Variants in KCNK3 observed in about 807,000 individuals in gnomAD.
KCNK3 encodes the protein potassium two pore domain channel subfamily K member 3.
KCNK3 carries 9 observed loss-of-function variants against 27.3 expected under a neutral mutation model. That is an observed-to-expected ratio of 0.33 (90% confidence interval 0.20 to 0.57). The LOEUF (loss-of-function observed/expected upper bound fraction) is 0.57, where lower values mean the gene tolerates loss of function less well. KCNK3 is among the 20% of genes least tolerant of loss of function. KCNK3 has a pLI of 0.87. For missense variants in KCNK3, 391 were observed against 577.7 expected, an observed-to-expected ratio of 0.68 and a Z score of 3.31; for synonymous variants, 278 against 273.8, an observed-to-expected ratio of 1.02 and a Z score of -0.15.
In KCNK3 at chr2:26,728,469, G is replaced by T; in HGVS notation, c.1086G>T (p.Leu362=). Residue 362 remains leucine, a synonymous_variant, in exon 2 of 2, where the codon CTG becomes CTT. Transcript: ENST00000302909. ...RYSDTPSRRC[L]CSGAPRSAIS... ...GCGACACGCCCTCGCGACGCTGCCT[G>T]TGCAGCGGGGCGCCACGCTCCGCCA... The T allele has an allele frequency of 6.4e-7, 1 of 1,560,492 alleles. No homozygotes were observed.
Position 26,692,756 on chromosome 2 carries a change from G to A in KCNK3, c.-120G>A. 2.1e-6 allele frequency: 1 copy of A among 466,156 alleles called. No homozygotes were observed. The highest frequency in any genetic ancestry group is 8.4e-5 in the South Asian group (1 of 11,916). The allele number at this position is 466,156 out of a possible 1,614,324, so 28.9% of individuals were successfully genotyped here. ...GGCCCCGGGCGCTGAGCGGGTGCCC[G>A]GCGCGGAGAGCGGCGAGCGCAGCCA... is the stretch of plus-strand genomic sequence containing the variant. On this transcript the variant is annotated 5_prime_UTR_variant, in exon 1 of 2. Transcript: ENST00000302909. This position sits in a 1 kb window ranked among gnomAD's most constrained non-coding sequence, Gnocchi z 5.6.
intron 1 of KCNK3, among the ~76,000 whole-genome samples, chr2:26,695,192 C>A (rs1670219913): frequency 6.6e-6 from 1 of 152,190 alleles, no homozygotes; most frequent in Non-Finnish European, 1.5e-5. Context: ...GCCTGTCTGG[C>A]ATGCCTTTTT....
At chr2:26,699,062 C>T (rs370033564) in intron 1 of KCNK3, among the ~76,000 whole-genome samples, 1 of 151,824 alleles carries the variant, frequency 6.6e-6, no homozygotes, top group Non-Finnish European at 1.5e-5. Context: ...CCTGTGATCC[C>T]GGCTATGCAG....
At position 26,728,433 on chromosome 2, in the gene KCNK3, C is replaced by T; in HGVS notation, c.1050C>T (p.Gly350=). The change falls in exon 2 of 2, where the codon GGC becomes GGT. Residue 350 remains glycine (G), a synonymous_variant. Transcript: ENST00000302909. ...AGAGCCACTCGTCGCCGGGAGGGGG[C>T]GGCCGCTACAGCGACACGCCCTCGC... ...VEQSHSSPGG[G]GRYSDTPSRR... 1.3e-6 allele frequency: 2 copies of T among 1,590,106 alleles called. No homozygotes were observed.
rs930654869 is a variant in KCNK3 at position 26,729,938 on chromosome 2, C to T, written c.*1370C>T. ...GCTTGGCCTGCTCTTAAAAGCAAAGCTCCTGCAGTGTACATCCTGGCATTG... is the reference window on the plus strand; with the variant it reads ...GCTTGGCCTGCTCTTAAAAGCAAAGTTCCTGCAGTGTACATCCTGGCATTG... On this transcript the variant is annotated 3_prime_UTR_variant, in exon 2 of 2. Coordinates refer to ENST00000302909, the MANE Select transcript of KCNK3 (RefSeq NM_002246.3). 2.6e-5 allele frequency: 4 copies of T among 152,168 alleles called. No individual in the cohort carries two copies. The highest frequency in any genetic ancestry group is 1.3e-4 in the Admixed American group (2 of 15,266). 9.4% of individuals were successfully genotyped at this position (152,168 alleles called of 1,614,324 possible). A position where few individuals can be genotyped will look rare whatever the true frequency, so the allele number is the denominator to read the frequency against.
rs930974747 is a variant in KCNK3, at chr2:26,728,669, A to G, written c.*101A>G. On this transcript the variant is annotated 3_prime_UTR_variant, in exon 2 of 2. Transcript: ENST00000302909. ...TGCCTTCTGCCCAGTGGGACCCCGC[A>G]CAACATCCCTCACCACTCTCCCCCA... 15 of 1,000,788 alleles carry G rather than the reference A, an allele frequency of 1.5e-5. No individual in the cohort carries two copies. Among genetic ancestry groups the G allele is most frequent in the Non-Finnish European group, 1.9e-5 (14 of 737,114 alleles). 62.0% of individuals were successfully genotyped at this position (1,000,788 alleles called of 1,614,324 possible).
chr2:26,726,104 C>CAG (rs1196440174), intron 1 of KCNK3, among the ~76,000 whole-genome samples: 137 of 80,518 alleles, frequency 1.7e-3, no homozygotes, highest in Admixed American at 2.1e-3. Flanking sequence ...CACACACACA[C>CAG]ACAGAGAGAG....
chr2:26,699,046 C>A (rs1266307597), intron 1 of KCNK3, among the ~76,000 whole-genome samples: 2 of 152,036 alleles, frequency 1.3e-5, no homozygotes, highest in African/African-American at 4.8e-5. Flanking sequence ...GGCATGGTAG[C>A]ACACGCCTGT....
rs1663459454 is a variant in KCNK3 at position 26,728,139 on chromosome 2, G to A, written c.756G>A (p.Glu252=). 1.3e-6 allele frequency: 2 copies of A among 1,597,886 alleles called. No individual in the cohort carries two copies. Among genetic ancestry groups the A allele is most frequent in the Non-Finnish European group, 8.5e-7 (1 of 1,172,460 alleles). The change falls in exon 2 of 2, where the codon GAG becomes GAA. Residue 252 remains glutamate (E), a synonymous_variant. Transcript: ENST00000302909. Reference sequence around the variant, plus strand: ...TGCGCTTCATGACCATGAACGCCGAGGACGAGAAGCGCGACGCCGAGCACC... The same window carrying A: ...TGCGCTTCATGACCATGAACGCCGAAGACGAGAAGCGCGACGCCGAGCACC... ...VVLRFMTMNA[E]DEKRDAEHRA... is the part of the protein sequence containing the mutation.
chr2:26,727,591 G>C, intron 1 of KCNK3, 76 bp from the exon 2 acceptor site: 1 of 1,510,138 alleles, frequency 6.6e-7, no homozygotes, highest in Non-Finnish European at 8.8e-7. Context: ...GCGGGGCAAC[G>C]GGGAGGGAGA....
intron 1 of KCNK3, among the ~76,000 whole-genome samples, chr2:26,724,301 G>A (rs551370677): frequency 6.6e-6 from 1 of 152,240 alleles, no homozygotes; most frequent in Non-Finnish European, 1.5e-5. Context: ...CACCTCTGCT[G>A]CAACTGGCTC....
At chr2:26,716,770 G>A (rs188347251) in intron 1 of KCNK3, among the ~76,000 whole-genome samples, 2 of 152,326 alleles carry the variant, frequency 1.3e-5, no homozygotes, top group Non-Finnish European at 2.9e-5. Flanking sequence ...TTTCAGGGAA[G>A]AAGAGACATA....
rs1174338957 is a variant in KCNK3 at position 26,729,430 on chromosome 2, C to T, written c.*862C>T. ...GAAAACTCTATGCTGGCCACTGATTCCTTTGAGTCTCACAAAACCCTACTT... is the reference window on the plus strand; with the variant it reads ...GAAAACTCTATGCTGGCCACTGATTTCTTTGAGTCTCACAAAACCCTACTT... On this transcript the variant is annotated 3_prime_UTR_variant, in exon 2 of 2. Coordinates refer to ENST00000302909, the MANE Select transcript of KCNK3 (RefSeq NM_002246.3). The T allele has an allele frequency of 6.6e-6, 1 of 152,170 alleles. No homozygotes were observed. Among genetic ancestry groups the T allele is most frequent in the African/African-American group, 2.4e-5 (1 of 41,446 alleles). The allele number at this position is 152,170 out of a possible 1,614,324, so 9.4% of individuals were successfully genotyped here.
rs76794473 is a variant in KCNK3 at position 26,693,855 on chromosome 2, A to G, written c.283+697A>G. Among the ~76,000 whole-genome samples the G allele has an allele frequency of 0.016, 2,425 of 152,244 alleles. 81 individuals carry two copies. The highest frequency in any genetic ancestry group is 0.056 in the African/African-American group (2,306 of 41,534). On this transcript the variant is annotated intron_variant, in intron 1 of 1. Transcript: ENST00000302909. This position sits in a 1 kb window ranked among gnomAD's most constrained non-coding sequence, Gnocchi z 5.5. ...AGTTCTTTCCAAGCCAGGGCAGATC[A>G]CCATGTAGGAGGCCACACGTACACC...
rs1663572069 is a variant in KCNK3 at position 26,733,213 on chromosome 2, C to T, written c.*4645C>T. On this transcript the variant is annotated 3_prime_UTR_variant, in exon 2 of 2. Coordinates refer to ENST00000302909, the MANE Select transcript of KCNK3 (RefSeq NM_002246.3). ...CGCTGATTTGGTTACTCGGGGTGAG[C>T]ATCAGATGGAAATAGAAGTTTCCGG... 6.6e-6 allele frequency: 1 copy of T among 152,134 alleles called. No individual in the cohort carries two copies. The highest frequency in any genetic ancestry group is 1.5e-5 in the Non-Finnish European group (1 of 68,018). 9.4% of individuals were successfully genotyped at this position (152,134 alleles called of 1,614,324 possible).
At chr2:26,709,456 AGT>A (rs1224054806) in intron 1 of KCNK3, among the ~76,000 whole-genome samples, 1 of 151,962 alleles carries the variant, frequency 6.6e-6, no homozygotes, top group African/African-American at 2.4e-5. Flanking sequence ...GGCCAGGGGG[AGT>A]GTTTCCAGAG....
At chr2:26,695,793 A>T (rs537979469) in intron 1 of KCNK3, among the ~76,000 whole-genome samples, 1 of 152,212 alleles carries the variant, frequency 6.6e-6, no homozygotes, top group South Asian at 2.1e-4. Context: ...ATGGGGGGAG[A>T]GGCAGACAGA....
chr2:26,716,496 G>T (rs1197658327), intron 1 of KCNK3, among the ~76,000 whole-genome samples: 1 of 152,154 alleles, frequency 6.6e-6, no homozygotes, highest in Non-Finnish European at 1.5e-5. Flanking sequence ...ATTTGTTTAG[G>T]TGGGTGAGAT....
intron 1 of KCNK3, among the ~76,000 whole-genome samples, chr2:26,722,030 A>T (rs1274427757): frequency 6.6e-6 from 1 of 152,088 alleles, no homozygotes; most frequent in Non-Finnish European, 1.5e-5. Flanking sequence ...CGTTTCCCAA[A>T]CTGTGCTCCC....
Sources: allele counts gnomAD v4.1 joint callset (sites outside exome capture counted in the v4.1 genomes callset), GRCh38; gene constraint gnomAD v4.1.1; non-coding constraint Gnocchi (gnomAD v3.1); transcripts MANE v1.5; gene names NCBI Gene and HGNC (gene_info 2026-07-23, HGNC 2026-07-21).